The following ZNF280A variants were observed in gnomAD, a reference collection of about 807,000 sequenced individuals.
The protein encoded by ZNF280A is suppressor of hairy wing homolog 1.
ZNF280A carries 26 observed loss-of-function variants against 35.9 expected under a neutral mutation model. The observed-to-expected ratio is 0.72, with a 90% CI of 0.53 to 1.01. ZNF280A has a LOEUF of 1.01. Ranked by LOEUF, ZNF280A falls within the 50% of genes least tolerant of loss-of-function variation. ZNF280A has a pLI of 0.00. For synonymous variants in ZNF280A, 231 were observed against 232.9 expected, an observed-to-expected ratio of 0.99 and a Z score of 0.07; for missense variants, 654 against 652.0, an observed-to-expected ratio of 1.00 and a Z score of -0.03.
Position 22,514,675 on chromosome 22 carries a change from T to C in ZNF280A, c.956A>G (p.His319Arg). ...GTTCCTCTGCTTCTCAAATTCCAAA[T>C]GATGCTTCATGTGATTCATAAACTT... ...NIKFMNHMKH[H>R]LEFEKQRNDS... The change falls in exon 2 of 2, where the codon CAT becomes CGT. Residue 319 changes from histidine (H) to arginine (R), a missense_variant. His to Arg is a conservative substitution (Grantham distance 29, BLOSUM62 0). Coordinates refer to ENST00000302097, the MANE Select transcript of ZNF280A (RefSeq NM_080740.5). 6.2e-7 allele frequency: 1 copy of C among 1,613,960 alleles called. No individual in the cohort carries two copies. The highest frequency in any genetic ancestry group is 1.1e-5 in the South Asian group (1 of 91,074).
chr22:22,514,868 T>A lies in ZNF280A; in HGVS notation c.763A>T (p.Ile255Phe). 6.2e-7 allele frequency: 1 copy of A among 1,613,792 alleles called. No homozygotes were observed. Among genetic ancestry groups the A allele is most frequent in the Non-Finnish European group, 8.5e-7 (1 of 1,179,898 alleles). The change falls in exon 2 of 2, where the codon ATT (isoleucine) becomes TTT (phenylalanine). Residue 255 changes from isoleucine (I) to phenylalanine (F), a missense_variant. Transcript: ENST00000302097. ...ASESALAMTDISSLASQNKTF... is the reference protein window; with the variant it reads ...ASESALAMTDFSSLASQNKTF... ...TTGTTTTGACTTGCTAGACTTGAAA[T>A]GTCTGTCATTGCCAGGGCAGACTCA...
chr22:22,516,274 AACAC>A (rs897377319), intron 1 of ZNF280A, among the ~76,000 whole-genome samples: 1 of 124,860 alleles, frequency 8.0e-6, no homozygotes, highest in African/African-American at 3.3e-5. Context: ...CCATCACACA[AACAC>A]ACACACACAC....
rs362173 is a variant in ZNF280A at position 22,514,452 on chromosome 22, A to G, written c.1179T>C (p.Pro393=). ...MKDHHKPGEM[P]YVCQVCHYRS... ...TGTAATGGCAAACCTGGCACACATA[A>G]GGCATTTCGCCAGGCTTATGATGGT... The change falls in exon 2 of 2, where the codon CCT becomes CCC. Residue 393 remains proline (P), a synonymous_variant. Coordinates refer to ENST00000302097, the MANE Select transcript of ZNF280A (RefSeq NM_080740.5). The G allele has an allele frequency of 0.35, 559,310 of 1,613,114 alleles. 105,856 individuals are homozygous for G. Among genetic ancestry groups the G allele is most frequent in the African/African-American group, 0.7 (52,437 of 74,690 alleles).
Position 22,515,549 on chromosome 22 carries a change from CA to C in ZNF280A, c.81del (p.Asp27GlufsTer6), listed in dbSNP as rs1293958814. On this transcript the variant is annotated frameshift_variant, in exon 2 of 2. Transcript: ENST00000302097. LOFTEE classifies it high-confidence loss of function. Reference protein sequence around the residue: ...LRESKQREEDDEDPDLIYVGV... With the variant: ...LRESKQREEDXEDPDLIYVGV... ...CCAACATAGATCAGATCTGGATCTT[CA>C]TCATCCTCCTCCCTTTGTTTGGATT... 9.9e-6 allele frequency: 16 copies of C among 1,613,258 alleles called. No homozygotes were observed. The highest frequency in any genetic ancestry group is 1.4e-5 in the Non-Finnish European group (16 of 1,179,858).
intron 1 of ZNF280A, 42 bp from the exon 2 acceptor site, chr22:22,515,743 A>T: frequency 6.8e-7 from 1 of 1,464,864 alleles, no homozygotes; most frequent in Non-Finnish European, 9.0e-7. Flanking sequence ...TTATTTCGAA[A>T]GACAAAATCA....
Position 22,513,901 on chromosome 22 carries a change from C to T in ZNF280A, c.*101G>A, listed in dbSNP as rs940698652. On this transcript the variant is annotated 3_prime_UTR_variant, in exon 2 of 2. Coordinates refer to ENST00000302097, the MANE Select transcript of ZNF280A (RefSeq NM_080740.5). ...GATGTCACTGTAAAAAACAACCTGA[C>T]AGTTGATGACATTGCTTGCTAGCAT... 2 of 730,536 alleles carry T rather than the reference C, an allele frequency of 2.7e-6. No homozygotes were observed. The highest frequency in any genetic ancestry group is 3.5e-5 in the African/African-American group (2 of 56,638). 45.3% of individuals were successfully genotyped at this position (730,536 alleles called of 1,614,324 possible).
rs1208896827 is a variant in ZNF280A, at chr22:22,514,725, G to T, written c.906C>A (p.Ser302Arg). ...QKTHTTFKCL[S>R]CVKVLKNIKF... is the part of the protein sequence containing the mutation. ...TAATATTTTTTAGAACTTTCACGCA[G>T]CTGAGGCATTTAAAGGTGGTGTGAG... is the stretch of plus-strand genomic sequence containing the variant. The change falls in exon 2 of 2, where the codon AGC (serine) becomes AGA (arginine). Residue 302 changes from serine to arginine, a missense_variant. Ser to Arg is a moderately radical substitution (Grantham distance 110). Transcript: ENST00000302097. The T allele has an allele frequency of 6.2e-7, 1 of 1,613,914 alleles. No homozygotes were observed. The highest frequency in any genetic ancestry group is 1.7e-5 in the Admixed American group (1 of 59,982).
intron 1 of ZNF280A, among the ~76,000 whole-genome samples, chr22:22,519,762 C>T (rs907888669): frequency 1.3e-5 from 2 of 151,918 alleles, no homozygotes; most frequent in East Asian, 2.0e-4. Flanking sequence ...GTACAGAGAG[C>T]GCAGCCAGCC....
chr22:22,514,935 A>C lies in ZNF280A; in HGVS notation c.696T>G (p.Asn232Lys), dbSNP rs754263306. The C allele has an allele frequency of 6.2e-7, 1 of 1,613,906 alleles. No individual in the cohort carries two copies. The highest frequency in any genetic ancestry group is 1.7e-4 in the Middle Eastern group (1 of 6,054). Reference protein sequence around the residue: ...NGVTFPWPDANGKAHFNLTDP... With the variant: ...NGVTFPWPDAKGKAHFNLTDP... ...CTGTAAGATTGAAATGTGCCTTTCC[A>C]TTAGCATCAGGCCAAGGAAATGTTA... The change falls in exon 2 of 2, where the codon AAT (asparagine) becomes AAG (lysine). Residue 232 changes from asparagine (N) to lysine (K), a missense_variant. By Grantham distance (94) the Asn-to-Lys change is moderately conservative. Coordinates refer to ENST00000302097, the MANE Select transcript of ZNF280A (RefSeq NM_080740.5).
In ZNF280A at chr22:22,520,070, A is replaced by G. The variant is rs1357202909; in HGVS notation, c.-72+19T>C. ...GTTTTAGAGGAGCAAAATGAAAGAT[A>G]GCAAATTTCTCAGCTCACCAGTTCC... On this transcript the variant is annotated intron_variant, in intron 1 of 1. Transcript: ENST00000302097. The G allele has an allele frequency of 6.6e-6, 1 of 151,978 alleles. No homozygotes were observed. The highest frequency in any genetic ancestry group is 2.0e-4 in the East Asian group (1 of 5,112). The allele number at this position is 151,978 out of a possible 1,614,324, so 9.4% of individuals were successfully genotyped here.
chr22:22,514,829 T>C lies in ZNF280A; in HGVS notation c.802A>G (p.Lys268Glu). 6.2e-7 allele frequency: 1 copy of C among 1,613,940 alleles called. No individual in the cohort carries two copies. The highest frequency in any genetic ancestry group is 8.5e-7 in the Non-Finnish European group (1 of 1,179,986). Residue 268 changes from lysine (K) to glutamate (E), a missense_variant, in exon 2 of 2, where the codon AAG (lysine) becomes GAG (glutamate). By Grantham distance (56) the Lys-to-Glu change is moderately conservative (BLOSUM62 1). Coordinates refer to ENST00000302097, the MANE Select transcript of ZNF280A (RefSeq NM_080740.5). ...LASQNKTFDP[K>E]KENPIVLLSD... ...AGTAACACGATGGGATTTTCTTTCT[T>C]GGGATCAAAGGTCTTGTTTTGACTT...
chr22:22,517,925 CTT>C (rs1335980616), intron 1 of ZNF280A, among the ~76,000 whole-genome samples: 13 of 127,868 alleles, frequency 1.0e-4, no homozygotes, highest in East Asian at 7.2e-4. Context: ...TTGATGGCAT[CTT>C]TTTTTTTTTT....
In ZNF280A at chr22:22,513,986, T is replaced by C; in HGVS notation, c.*16A>G. 7.0e-7 allele frequency: 1 copy of C among 1,419,492 alleles called. No individual in the cohort carries two copies. The highest frequency in any genetic ancestry group is 9.8e-7 in the Non-Finnish European group (1 of 1,025,128). The allele number at this position is 1,419,492 out of a possible 1,614,324, so 87.9% of individuals were successfully genotyped here. On this transcript the variant is annotated 3_prime_UTR_variant, in exon 2 of 2. Transcript: ENST00000302097. ...TTCTGCCTTTCGGAACTCCTGGAAGTCAGTCGAACATATTTTCAGCTAGAA... is the reference window on the plus strand; with the variant it reads ...TTCTGCCTTTCGGAACTCCTGGAAGCCAGTCGAACATATTTTCAGCTAGAA...
At chr22:22,518,440 T>A in intron 1 of ZNF280A, among the ~76,000 whole-genome samples, 1 of 152,072 alleles carries the variant, frequency 6.6e-6, no homozygotes, top group African/African-American at 2.4e-5. Flanking sequence ...TTCTTACTTT[T>A]TTTTTATTAA....
intron 1 of ZNF280A, among the ~76,000 whole-genome samples, chr22:22,517,541 T>C (rs746742882): frequency 7.0e-4 from 106 of 151,938 alleles, no homozygotes; most frequent in Non-Finnish European, 1.3e-3. Flanking sequence ...TGTGTGTAAA[T>C]TGAAACAAAA....
In ZNF280A at chr22:22,514,235, C is replaced by T; in HGVS notation, c.1396G>A (p.Glu466Lys). The change falls in exon 2 of 2, where the codon GAA becomes AAA. Residue 466 changes from glutamate (E) to lysine (K), a missense_variant. Glu to Lys is a moderately conservative substitution (Grantham distance 56). Transcript: ENST00000302097. ...CRLQFLTLKE[E>K]IEHKTKDHQT... is the part of the protein sequence containing the mutation. The stretch of plus-strand genomic sequence containing the variant: ...TGGTCCTTGGTTTTGTGCTCTATTT[C>T]CTCCTTCAACGTCAAAAACTGTAGC... 1.2e-6 allele frequency: 2 copies of T among 1,613,782 alleles called. No individual in the cohort carries two copies. Among genetic ancestry groups the T allele is most frequent in the East Asian group, 2.2e-5 (1 of 44,798 alleles).
At chr22:22,519,995 C>T (rs1189672641) in intron 1 of ZNF280A, 94 bp downstream of exon 1, 1 of 152,032 alleles carries the variant, frequency 6.6e-6, no homozygotes, top group Non-Finnish European at 1.5e-5. Flanking sequence ...AATTGCAATG[C>T]CTAAAATATT....
intron 1 of ZNF280A, among the ~76,000 whole-genome samples, chr22:22,518,883 A>G (rs1273805296): frequency 1.3e-5 from 2 of 151,896 alleles, no homozygotes; most frequent in African/African-American, 4.8e-5. Context: ...GAACACAGCC[A>G]TAATCATTTT....
Position 22,514,182 on chromosome 22 carries a change from C to T in ZNF280A, c.1449G>A (p.Leu483=), listed in dbSNP as rs1317326760. 1 of 1,613,788 alleles carries T rather than the reference C, an allele frequency of 6.2e-7. No individual in the cohort carries two copies. The highest frequency in any genetic ancestry group is 8.5e-7 in the Non-Finnish European group (1 of 1,179,948). ...DHQTFKKPEQ[L]QGLPSETKVI... ...CTTTTGTTTCACTAGGCAACCCTTGCAGTTGCTCCGGCTTTTTAAATGTTT... is the reference window on the plus strand; with the variant it reads ...CTTTTGTTTCACTAGGCAACCCTTGTAGTTGCTCCGGCTTTTTAAATGTTT... Residue 483 remains leucine, a synonymous_variant, in exon 2 of 2, where the codon CTG becomes CTA. Coordinates refer to ENST00000302097, the MANE Select transcript of ZNF280A (RefSeq NM_080740.5).
Sources: allele counts gnomAD v4.1 joint callset (sites outside exome capture counted in the v4.1 genomes callset), GRCh38; gene constraint gnomAD v4.1.1; transcripts MANE v1.5; gene names NCBI Gene and HGNC (gene_info 2026-07-23, HGNC 2026-07-21).